NSD1: variants seen among roughly 807,000 people sequenced by gnomAD.
NSD1 encodes nuclear receptor binding SET domain protein 1, also known as histone-lysine N-methyltransferase, H3 lysine-36 specific.
In NSD1, 26 loss-of-function variants were observed where a neutral mutation model predicts 242.7. The observed-to-expected ratio is 0.11, with a 90% confidence interval of 0.08 to 0.15. The LOEUF (loss-of-function observed/expected upper bound fraction) is 0.15. Ranked by LOEUF, NSD1 falls within the 10% of genes least tolerant of loss-of-function variation. The probability of loss-of-function intolerance (pLI) is 1.00; values close to 1 mark genes in which losing one functional copy is unlikely to be tolerated. For synonymous variants in NSD1, 1,106 were observed against 1,178.1 expected (o/e 0.94, Z 1.25); for missense variants, 2,495 against 3,272.8 (o/e 0.76, Z 5.80).
intron 2 of NSD1, among the ~76,000 whole-genome samples, chr5:177,143,885 A>G (rs1757022995): frequency 6.7e-6 from 1 of 149,966 alleles, no homozygotes; most frequent in African/African-American, 2.5e-5. Flanking sequence ...CATGGGTTCA[A>G]GTTGATTCTC....
At chr5:177,232,085 G>A (rs1187252393) in intron 5 of NSD1, among the ~76,000 whole-genome samples, 1 of 151,944 alleles carries the variant, frequency 6.6e-6, no homozygotes, top group Admixed American at 6.6e-5. Flanking sequence ...GTTTAGTAGA[G>A]GCATGGTCTC....
intron 2 of NSD1, among the ~76,000 whole-genome samples, chr5:177,190,412 T>G (rs992245600): frequency 1.3e-5 from 2 of 152,118 alleles, no homozygotes; most frequent in African/African-American, 4.8e-5. Flanking sequence ...CCCGAGTAGC[T>G]GGGATTACCG....
chr5:177,239,707 C>G (rs756620537), intron 7 of NSD1, 49 bp from the exon 8 acceptor site: 5 of 1,128,530 alleles, frequency 4.4e-6, no homozygotes, highest in African/African-American at 1.5e-5. Flanking sequence ...TAAAAATTAA[C>G]TTGTGCCCAG....
chr5:177,228,216 G>A (rs1045835997), intron 5 of NSD1, among the ~76,000 whole-genome samples: 8 of 150,752 alleles, frequency 5.3e-5, no homozygotes, highest in African/African-American at 1.9e-4. Flanking sequence ...ATTCACGTAA[G>A]TTTTATTATA....
chr5:177,216,589 C>G (rs1259492890), intron 5 of NSD1, among the ~76,000 whole-genome samples: 1 of 151,572 alleles, frequency 6.6e-6, no homozygotes, highest in Non-Finnish European at 1.5e-5. Context: ...GTTAAAGAGA[C>G]TATCTTTTCC....
intron 2 of NSD1, among the ~76,000 whole-genome samples, chr5:177,181,355 C>T (rs969146745): frequency 5.0e-4 from 76 of 150,778 alleles, no homozygotes; most frequent in African/African-American, 1.7e-3. Context: ...GCATTGAATG[C>T]TACAGAGAAA....
intron 2 of NSD1, among the ~76,000 whole-genome samples, chr5:177,159,897 T>TA (rs1562134273): frequency 2.7e-5 from 4 of 148,070 alleles, no homozygotes; most frequent in Non-Finnish European, 4.5e-5. Context: ...CCGAATATAT[T>TA]TTTTTTTTTT....
At chr5:177,146,301 G>C (rs1010066660) in intron 2 of NSD1, among the ~76,000 whole-genome samples, 1 of 150,248 alleles carries the variant, frequency 6.7e-6, no homozygotes, top group South Asian at 2.1e-4. Flanking sequence ...CACCTCCTGG[G>C]TTCAAGCAAT....
intron 2 of NSD1, among the ~76,000 whole-genome samples, chr5:177,148,191 C>T (rs564695538): frequency 4.6e-5 from 7 of 151,798 alleles, no homozygotes; most frequent in Admixed American, 6.6e-5. Flanking sequence ...GATCTTGGCT[C>T]GCTGCAACCT....
intron 2 of NSD1, among the ~76,000 whole-genome samples, chr5:177,149,715 A>T (rs1757549776): frequency 6.6e-6 from 1 of 152,086 alleles, no homozygotes; most frequent in Admixed American, 6.6e-5. Context: ...TTTGCAGTTC[A>T]CAATAGGGTT....
chr5:177,263,177 T>C (rs182063037), intron 14 of NSD1, among the ~76,000 whole-genome samples: 558 of 152,362 alleles, frequency 3.7e-3, no homozygotes, highest in Middle Eastern at 0.02. Flanking sequence ...GACGTGATCG[T>C]CACCTTGGCA....
chr5:177,200,872 A>G (rs1022212209), intron 3 of NSD1, among the ~76,000 whole-genome samples: 1 of 151,526 alleles, frequency 6.6e-6, no homozygotes, highest in Non-Finnish European at 1.5e-5. Context: ...GTTTCTATAA[A>G]CATTGTATAG....
chr5:177,222,558 T>C (rs1764320796), intron 5 of NSD1, among the ~76,000 whole-genome samples: 1 of 152,192 alleles, frequency 6.6e-6, no homozygotes, highest in South Asian at 2.1e-4. Flanking sequence ...TGGTATCTCA[T>C]TATGATTTTC....
At chr5:177,205,856 C>T (rs1036527552) in intron 4 of NSD1, among the ~76,000 whole-genome samples, 2 of 152,058 alleles carry the variant, frequency 1.3e-5, no homozygotes, top group African/African-American at 4.8e-5. Context: ...GGGGGTCTCT[C>T]TATGTTGTTC....
At chr5:177,181,326 C>T (rs1256508812) in intron 2 of NSD1, among the ~76,000 whole-genome samples, 1 of 151,010 alleles carries the variant, frequency 6.6e-6, no homozygotes, top group Non-Finnish European at 1.5e-5. Context: ...CTCTACTGTG[C>T]ATAAAATACT....
chr5:177,217,551 G>A (rs1463231316), intron 5 of NSD1, among the ~76,000 whole-genome samples: 1 of 151,920 alleles, frequency 6.6e-6, no homozygotes, highest in Non-Finnish European at 1.5e-5. Context: ...TAGAGGAAAA[G>A]CTTTCAGTGT....
At position 177,264,433 on chromosome 5, in the gene NSD1, T is replaced by C. The variant is rs1025133949; in HGVS notation, c.5147-3129T>C. ...ATATCCACAGTTCTGAACAGGTTATTTTAGCACTCTTTTCCAGCAATATAT... is the reference window on the plus strand; with the variant it reads ...ATATCCACAGTTCTGAACAGGTTATCTTAGCACTCTTTTCCAGCAATATAT... On this transcript the variant is annotated intron_variant, in intron 14 of 22. Coordinates refer to ENST00000439151, the MANE Select transcript of NSD1 (RefSeq NM_022455.5). Among the ~76,000 whole-genome samples the C allele has an allele frequency of 3.9e-5, 6 of 152,158 alleles. No homozygotes were observed. In the South Asian group the frequency reaches 8.3e-4, roughly 21 times the overall value.
chr5:177,214,651 G>A (rs1303812379), intron 5 of NSD1, among the ~76,000 whole-genome samples: 3 of 146,536 alleles, frequency 2.0e-5, no homozygotes, highest in Non-Finnish European at 1.5e-5. Flanking sequence ...CCATGTTGTA[G>A]CATATGACAG....
Position 177,135,831 on chromosome 5 carries a change from A to G in NSD1, c.728A>G (p.Glu243Gly). 6.2e-7 allele frequency: 1 copy of G among 1,607,548 alleles called. No individual in the cohort carries two copies. The highest frequency in any genetic ancestry group is 8.5e-7 in the Non-Finnish European group (1 of 1,175,266). ...ACACAGAAAAATAAGCAAAGAAATG[A>G]AGTGGACGGCAGCAATGAAAAAGCA... ...TETQKNKQRN[E>G]VDGSNEKAAL... Residue 243 changes from glutamate (E) to glycine (G), a missense_variant, in exon 2 of 23, where the codon GAA (glutamate) becomes GGA (glycine). Coordinates refer to ENST00000439151, the MANE Select transcript of NSD1 (RefSeq NM_022455.5).
Sources: allele counts gnomAD v4.1 joint callset (sites outside exome capture counted in the v4.1 genomes callset), GRCh38; gene constraint gnomAD v4.1.1; transcripts MANE v1.5; gene names NCBI Gene and HGNC (gene_info 2026-07-23, HGNC 2026-07-21).